TBC1D31: variants seen among roughly 807,000 people sequenced by gnomAD.
TBC1D31 encodes the protein WD repeat domain 67.
TBC1D31 carries 99 observed loss-of-function variants against 132.9 expected under a neutral mutation model. The observed-to-expected ratio is 0.74, with a 90% confidence interval of 0.63 to 0.88. The LOEUF (loss-of-function observed/expected upper bound fraction) is 0.88, where lower values mean the gene tolerates loss of function less well. Among genes scored for constraint, TBC1D31 ranks in the 40% least tolerant of loss-of-function variants. The probability of loss-of-function intolerance (pLI) is 0.00; values close to 1 mark genes in which losing one functional copy is unlikely to be tolerated. For synonymous variants in TBC1D31, 385 were observed against 419.4 expected, an observed-to-expected ratio of 0.92 and a Z score of 1.00; for missense variants, 1,134 against 1,256.6, an observed-to-expected ratio of 0.90 and a Z score of 1.48.
At chr8:123,145,220 G>C (rs1264897388) in intron 20 of TBC1D31, among the ~76,000 whole-genome samples, 6 of 152,284 alleles carry the variant, frequency 3.9e-5, no homozygotes, top group Admixed American at 3.3e-4. Flanking sequence ...CACTGTGCCT[G>C]GCCAGTGAAT....
chr8:123,097,563 T>A, intron 6 of TBC1D31, 122 bp downstream of exon 6: 1 of 1,198,430 alleles, frequency 8.3e-7, no homozygotes, highest in Non-Finnish European at 1.1e-6. Flanking sequence ...AAATTACAAA[T>A]ATGTTATTTT....
chr8:123,157,719 G>GCGCACACACACACACA, the TBC1D31 span, among the ~76,000 whole-genome samples: 1 of 147,934 alleles, frequency 6.8e-6, no homozygotes, highest in African/African-American at 2.5e-5. Flanking sequence ...GCGCGCGCGC[G>GCGCACACACACACACA]CACACACACA....
chr8:123,155,568 C>G (rs542908877), downstream of TBC1D31, among the ~76,000 whole-genome samples: 1 of 152,266 alleles, frequency 6.6e-6, no homozygotes, highest in South Asian at 2.1e-4. The surrounding 1 kb of genome is among the most constrained non-coding windows in gnomAD (Gnocchi z 4.1). Context: ...AAACTCCAGA[C>G]CTGGTAGCCG....
intron 10 of TBC1D31, among the ~76,000 whole-genome samples, chr8:123,115,746 A>G (rs1405335729): frequency 6.6e-6 from 1 of 152,106 alleles, no homozygotes; most frequent in African/African-American, 2.4e-5. Context: ...GCACCTCTCT[A>G]ACCATTCCTC....
Position 123,077,123 on chromosome 8 carries a change from CATT to C in TBC1D31, c.94_96del (p.Ile32del). The C allele has an allele frequency of 6.2e-7, 1 of 1,604,692 alleles. No homozygotes were observed. The highest frequency in any genetic ancestry group is 8.5e-7 in the Non-Finnish European group (1 of 1,176,680). On this transcript the variant is annotated inframe_deletion, in exon 2 of 22. Transcript: ENST00000287380. The stretch of plus-strand genomic sequence containing the variant: ...TTTTCTTTGACAGAATTATAGTGAA[CATT>C]ATTCACAACACTTCCGATTACCATC...
the TBC1D31 span, among the ~76,000 whole-genome samples, chr8:123,163,327 T>G: frequency 6.6e-6 from 1 of 151,598 alleles, no homozygotes; most frequent in Admixed American, 6.6e-5. Context: ...TTTTAAATTG[T>G]GGTAAATATA....
chr8:123,159,558 T>G, the TBC1D31 span, among the ~76,000 whole-genome samples: 1 of 152,168 alleles, frequency 6.6e-6, no homozygotes, highest in African/African-American at 2.4e-5. Flanking sequence ...TTGGGAGGCC[T>G]AGGCGGGAGG....
chr8:123,096,761 G>A (rs532804648), intron 5 of TBC1D31, among the ~76,000 whole-genome samples: 225 of 152,322 alleles, frequency 1.5e-3, no homozygotes, highest in African/African-American at 4.8e-3. Context: ...TGTTGAATGA[G>A]TGAGCAACGG....
chr8:123,142,171 C>G, intron 18 of TBC1D31, 91 bp from the exon 19 acceptor site: 1 of 926,574 alleles, frequency 1.1e-6, no homozygotes, highest in Non-Finnish European at 1.5e-6. Context: ...TGAACAACTG[C>G]CCCAGACACT....
intron 1 of TBC1D31, among the ~76,000 whole-genome samples, chr8:123,073,787 G>T (rs901150085): frequency 3.9e-5 from 6 of 152,026 alleles, no homozygotes; most frequent in African/African-American, 1.5e-4. Flanking sequence ...CCGAGTTAAA[G>T]CGATTCTCTT....
intron 17 of TBC1D31, among the ~76,000 whole-genome samples, chr8:123,135,740 G>A (rs1488768539): frequency 6.6e-6 from 1 of 152,188 alleles, no homozygotes; most frequent in Non-Finnish European, 1.5e-5. Context: ...TCTCCACACT[G>A]AATTTCTTCT....
At chr8:123,092,918 T>G (rs1816482725) in intron 4 of TBC1D31, among the ~76,000 whole-genome samples, 1 of 151,134 alleles carries the variant, frequency 6.6e-6, no homozygotes, top group Non-Finnish European at 1.5e-5. Flanking sequence ...TTCAAACAAT[T>G]CTCCTGTCTC....
intron 20 of TBC1D31, among the ~76,000 whole-genome samples, chr8:123,148,744 G>A (rs983042397): frequency 1.3e-5 from 2 of 152,110 alleles, no homozygotes; most frequent in Non-Finnish European, 2.9e-5. Flanking sequence ...CTGGCCAGGC[G>A]CAGTGGTTTA....
intron 5 of TBC1D31, among the ~76,000 whole-genome samples, chr8:123,095,830 T>C (rs1423393438): frequency 6.6e-6 from 1 of 152,170 alleles, no homozygotes; most frequent in Non-Finnish European, 1.5e-5. Flanking sequence ...AAGACCCTAA[T>C]CCGGATGCTA....
At chr8:123,140,529 G>A (rs898268538) in intron 17 of TBC1D31, among the ~76,000 whole-genome samples, 1 of 152,112 alleles carries the variant, frequency 6.6e-6, no homozygotes, top group African/African-American at 2.4e-5. Flanking sequence ...TGCTGAAGAA[G>A]TTCATTTTGA....
intron 5 of TBC1D31, among the ~76,000 whole-genome samples, chr8:123,094,604 A>G (rs1198136375): frequency 6.6e-6 from 1 of 151,994 alleles, no homozygotes; most frequent in East Asian, 1.9e-4. Context: ...CAATGGCACT[A>G]TCTCAGCTCA....
intron 11 of TBC1D31, among the ~76,000 whole-genome samples, chr8:123,120,834 CAT>C (rs1299095450): frequency 6.6e-6 from 1 of 151,830 alleles, no homozygotes; most frequent in Non-Finnish European, 1.5e-5. Flanking sequence ...ACTTTTACTT[CAT>C]GTTATATATA....
chr8:123,103,420 C>T lies in TBC1D31; in HGVS notation c.1033-1868C>T, dbSNP rs558625681. 3 of 145,336 alleles carry T rather than the reference C, an allele frequency of 2.1e-5. No individual in the cohort carries two copies. The South Asian group carries it at 6.5e-4, about 31-fold the overall frequency. The allele number at this position is 145,336 out of a possible 1,614,324, so 9.0% of individuals were successfully genotyped here. A position where few individuals can be genotyped will look rare whatever the true frequency, so the allele number is the denominator to read the frequency against. On this transcript the variant is annotated intron_variant, in intron 7 of 21. Transcript: ENST00000287380. ...AGTCAGTTTTACAGTACTAGCTAAA[C>T]CTTCTTTTCTTTTTTTTTTTGAGAT...
chr8:123,077,920 C>T (rs993554804), intron 2 of TBC1D31, among the ~76,000 whole-genome samples: 19 of 151,940 alleles, frequency 1.3e-4, no homozygotes, highest in Admixed American at 7.9e-4. Context: ...TGGAGGTGCA[C>T]GCCTGTAATC....
Sources: allele counts gnomAD v4.1 joint callset (sites outside exome capture counted in the v4.1 genomes callset), GRCh38; gene constraint gnomAD v4.1.1; non-coding constraint Gnocchi (gnomAD v3.1); transcripts MANE v1.5; gene names NCBI Gene and HGNC (gene_info 2026-07-23, HGNC 2026-07-21).